Variants in CLASP1 observed in about 807,000 individuals in gnomAD.
CLASP1 encodes CLIP-associating protein 1.
CLASP1 carries 38 observed loss-of-function variants against 192.3 expected under a neutral mutation model. The observed-to-expected ratio is 0.20, with a 90% CI of 0.15 to 0.26. CLASP1 has a LOEUF of 0.26. Ranked by LOEUF, CLASP1 falls within the 10% of genes least tolerant of loss-of-function variation. The pLI, the probability that CLASP1 is intolerant of heterozygous loss-of-function variation, is 1.00. For missense variants in CLASP1, 1,433 were observed against 1,932.5 expected (o/e 0.74, Z 4.85); for synonymous variants, 691 against 712.8 (o/e 0.97, Z 0.49).
chr2:121,614,986 A>G (rs1346038483), intron 1 of CLASP1, among the ~76,000 whole-genome samples: 1 of 152,254 alleles, frequency 6.6e-6, no homozygotes, highest in Non-Finnish European at 1.5e-5. Flanking sequence ...ACCAAGTCAA[A>G]ACTATATAAA....
At chr2:121,645,410 A>T (rs1362353362) in intron 1 of CLASP1, among the ~76,000 whole-genome samples, 1 of 152,222 alleles carries the variant, frequency 6.6e-6, no homozygotes, top group Non-Finnish European at 1.5e-5. Flanking sequence ...GACACTGATG[A>T]TCAGAATGTA....
At chr2:121,636,175 A>G (rs976185228) in intron 1 of CLASP1, among the ~76,000 whole-genome samples, 3 of 151,470 alleles carry the variant, frequency 2.0e-5, no homozygotes, top group Non-Finnish European at 4.4e-5. Flanking sequence ...GGTCTCTACT[A>G]AAAACACAAA....
At chr2:121,605,399 T>C (rs997279315) in intron 2 of CLASP1, among the ~76,000 whole-genome samples, 3 of 152,210 alleles carry the variant, frequency 2.0e-5, no homozygotes, top group African/African-American at 7.2e-5. Flanking sequence ...AAACATAATA[T>C]ACACATTAAC....
chr2:121,589,075 T>G (rs548786685), intron 2 of CLASP1, among the ~76,000 whole-genome samples: 5 of 152,264 alleles, frequency 3.3e-5, no homozygotes, highest in Admixed American at 3.3e-4. Flanking sequence ...AAGAGAGGCC[T>G]GCATCCAAAA....
intron 19 of CLASP1, among the ~76,000 whole-genome samples, chr2:121,447,125 T>C (rs908380357): frequency 6.6e-6 from 1 of 152,172 alleles, no homozygotes; most frequent in Non-Finnish European, 1.5e-5. Context: ...GTGTACTTAC[T>C]CAGCACTAAA....
At chr2:121,371,738 A>G (rs2068781822) in intron 34 of CLASP1, among the ~76,000 whole-genome samples, 1 of 152,166 alleles carries the variant, frequency 6.6e-6, no homozygotes, top group South Asian at 2.1e-4. Flanking sequence ...AGCTAAGACC[A>G]GTCATTCTAC....
rs570265345 is a variant in CLASP1 at position 121,530,904 on chromosome 2, C to T, written c.196-579G>A. On this transcript the variant is annotated intron_variant, in intron 2 of 39. Coordinates refer to ENST00000263710, the Ensembl canonical transcript of CLASP1. The stretch of plus-strand genomic sequence containing the variant: ...TAACCATCCTTTTCTTGGGGTTGCG[C>T]TACTGTCCAATGAGCGCATAGTGAG... 137 of 697,582 alleles carry T rather than the reference C, an allele frequency of 2.0e-4. No homozygotes were observed. The highest frequency in any genetic ancestry group is 6.5e-4 in the South Asian group (44 of 67,426). The allele number at this position is 697,582 out of a possible 1,614,324, so 43.2% of individuals were successfully genotyped here. A position where few individuals can be genotyped will look rare whatever the true frequency, so the allele number is the denominator to read the frequency against.
intron 19 of CLASP1, among the ~76,000 whole-genome samples, chr2:121,441,387 C>T (rs1482725471): frequency 6.6e-6 from 1 of 152,138 alleles, no homozygotes; most frequent in Non-Finnish European, 1.5e-5. Context: ...AACAGAGGAA[C>T]TTGATCATTT....
At chr2:121,393,287 T>G (rs1432088697) in intron 30 of CLASP1, among the ~76,000 whole-genome samples, 1 of 152,160 alleles carries the variant, frequency 6.6e-6, no homozygotes, top group African/African-American at 2.4e-5. Context: ...AGCAGGACAT[T>G]CACAGAAGAA....
intron 8 of CLASP1, among the ~76,000 whole-genome samples, chr2:121,497,472 C>G (rs1023783112): frequency 2.0e-5 from 3 of 152,046 alleles, no homozygotes; most frequent in Non-Finnish European, 4.4e-5. Context: ...CATACAGTTC[C>G]AATCCTGTAC....
chr2:121,402,392 T>G (rs2076266167), intron 26 of CLASP1, among the ~76,000 whole-genome samples: 1 of 152,234 alleles, frequency 6.6e-6, no homozygotes, highest in Admixed American at 6.5e-5. Flanking sequence ...AAAGTAGCAC[T>G]GAGTATCCCT....
chr2:121,506,861 A>G (rs913085822), intron 7 of CLASP1, among the ~76,000 whole-genome samples: 1 of 152,222 alleles, frequency 6.6e-6, no homozygotes, highest in Non-Finnish European at 1.5e-5. Flanking sequence ...GTGGCAACAT[A>G]TAACAAAGAA....
chr2:121,478,904 A>C (rs1575282094), intron 8 of CLASP1, among the ~76,000 whole-genome samples: 2 of 46,806 alleles, frequency 4.3e-5, no homozygotes, highest in Non-Finnish European at 7.2e-5. Flanking sequence ...CACACACCAC[A>C]CCACACACAC....
At chr2:121,375,131 T>G (rs1481138994) in intron 34 of CLASP1, among the ~76,000 whole-genome samples, 2 of 152,066 alleles carry the variant, frequency 1.3e-5, no homozygotes. Context: ...TGGGGGCAGA[T>G]TTACCCCTTG....
intron 29 of CLASP1, among the ~76,000 whole-genome samples, chr2:121,397,822 G>A (rs561350889): frequency 5.9e-5 from 9 of 152,280 alleles, no homozygotes; most frequent in South Asian, 2.1e-4. Flanking sequence ...GATGATGAAC[G>A]TGACCTAATT....
At chr2:121,361,085 C>T (rs896075268) in intron 37 of CLASP1, among the ~76,000 whole-genome samples, 1 of 152,214 alleles carries the variant, frequency 6.6e-6, no homozygotes, top group Non-Finnish European at 1.5e-5. Context: ...TCGGTAAGTG[C>T]GTGCCAAGAC....
intron 37 of CLASP1, among the ~76,000 whole-genome samples, chr2:121,355,112 G>A (rs898348734): frequency 6.6e-5 from 10 of 152,128 alleles, no homozygotes; most frequent in African/African-American, 2.4e-4. Context: ...AGGAATTCTG[G>A]ATGTGGCCTG....
At chr2:121,530,142 G>C (rs1327640340) in intron 3 of CLASP1, 105 bp downstream of exon 3, 1 of 920,646 alleles carries the variant, frequency 1.1e-6, no homozygotes, top group Non-Finnish European at 1.7e-6. Context: ...GAGGGGGCTG[G>C]AGGGGAGGCA....
chr2:121,534,928 G>A (rs2095008446), intron 2 of CLASP1, among the ~76,000 whole-genome samples: 1 of 152,134 alleles, frequency 6.6e-6, no homozygotes, highest in African/African-American at 2.4e-5. Flanking sequence ...AGACCAACCT[G>A]GACTCTGGGT....
Sources: gnomAD v4.1 joint callset for allele counts (sites outside exome capture counted in the v4.1 genomes callset) on GRCh38, gnomAD v4.1.1 for gene constraint, MANE v1.5 for transcripts, NCBI Gene and HGNC (gene_info 2026-07-23, HGNC 2026-07-21) for gene names.